MMRN1: variants seen among roughly 807,000 people sequenced by gnomAD.
The protein encoded by MMRN1 is multimerin 1.
Under a neutral mutation model 100.7 loss-of-function variants are expected in MMRN1, and 94 were observed. That is an observed-to-expected ratio of 0.93 (90% confidence interval 0.79 to 1.11). The LOEUF is 1.11. MMRN1 is among the 50% of genes least tolerant of loss of function. MMRN1 has a pLI of 0.00. For missense variants in MMRN1, 1,606 were observed against 1,439.1 expected, an observed-to-expected ratio of 1.12 and a Z score of -1.88; for synonymous variants, 575 against 505.0, an observed-to-expected ratio of 1.14 and a Z score of -1.86.
At chr4:89,920,610 A>T (rs1384394238) in intron 3 of MMRN1, among the ~76,000 whole-genome samples, 1 of 152,074 alleles carries the variant, frequency 6.6e-6, no homozygotes, top group African/African-American at 2.4e-5. Flanking sequence ...TCTTCAACAC[A>T]CACCTTTGTT....
At chr4:89,951,540 A>C (rs1463827339) in intron 6 of MMRN1, 65 bp from the exon 7 acceptor site, 1 of 1,417,534 alleles carries the variant, frequency 7.1e-7, no homozygotes, top group African/African-American at 1.5e-5. Context: ...GCAAACTACG[A>C]TTTGAGATCA....
Position 89,953,363 on chromosome 4 carries a change from C to A in MMRN1, c.3632C>A (p.Pro1211Gln), listed in dbSNP as rs1419803995. Residue 1211 changes from proline to glutamine, a missense_variant, in exon 8 of 8, where the codon CCA (proline) becomes CAA (glutamine). Coordinates refer to ENST00000264790, the MANE Select transcript of MMRN1 (RefSeq NM_007351.3). Reference protein sequence around the residue: ...VWLRLAKGTIPAKFPPVTTFS... With the variant: ...VWLRLAKGTIQAKFPPVTTFS... ...TTACGACTTGCAAAAGGAACAATTC[C>A]AGCCAAGTTTCCCCCTGTTACTACA... is the stretch of plus-strand genomic sequence containing the variant. 1 of 1,613,122 alleles carries A rather than the reference C, an allele frequency of 6.2e-7. No individual in the cohort carries two copies. The highest frequency in any genetic ancestry group is 2.2e-5 in the East Asian group (1 of 44,836).
In MMRN1 at chr4:89,936,552, C is replaced by T. The variant is rs1312420469; in HGVS notation, c.2872C>T (p.Leu958Phe). The T allele has an allele frequency of 1.2e-6, 2 of 1,612,764 alleles. No homozygotes were observed. The change falls in exon 6 of 8, where the codon CTT becomes TTT. Residue 958 changes from leucine to phenylalanine, a missense_variant. Physicochemically the swap from Leu to Phe is conservative, Grantham distance 22. Coordinates refer to ENST00000264790, the MANE Select transcript of MMRN1 (RefSeq NM_007351.3). ...AAAACATTCCCTGCCAGATATTCAA[C>T]TTCTTCAGAAAGGTCTAACAGAATT... ...WIKHSLPDIQ[L>F]LQKGLTEFVE...
chr4:89,953,349 A>C lies in MMRN1; in HGVS notation c.3618A>C (p.Ala1206=). The change falls in exon 8 of 8, where the codon GCA becomes GCC. Residue 1206 remains alanine (A), a synonymous_variant. Coordinates refer to ENST00000264790, the MANE Select transcript of MMRN1 (RefSeq NM_007351.3). The stretch of plus-strand genomic sequence containing the variant: ...GGCAGGAAGTCTGGTTACGACTTGC[A>C]AAAGGAACAATTCCAGCCAAGTTTC... ...NYGQEVWLRL[A]KGTIPAKFPP... is the part of the protein sequence containing the mutation. The C allele has an allele frequency of 6.2e-7, 1 of 1,613,726 alleles. No homozygotes were observed. Among genetic ancestry groups the C allele is most frequent in the Non-Finnish European group, 8.5e-7 (1 of 1,179,778 alleles).
rs745711366 is a variant in MMRN1, at chr4:89,895,500, C to G, written c.529C>G (p.Arg177Gly). 4 of 1,613,770 alleles carry G rather than the reference C, an allele frequency of 2.5e-6. No homozygotes were observed. Among genetic ancestry groups the G allele is most frequent in the Non-Finnish European group, 3.4e-6 (4 of 1,179,906 alleles). ...TGGAGGCACTGGAGGCGTGGGAAAT[C>G]GAGCCCCACGGGAAACATACCTCAG... ...GVGGTGGVGN[R>G]APRETYLSRG... is the part of the protein sequence containing the mutation. Residue 177 changes from arginine to glycine, a missense_variant, in exon 1 of 8, where the codon CGA (arginine) becomes GGA (glycine). Physicochemically the swap from Arg to Gly is moderately radical, Grantham distance 125 (BLOSUM62 -2). Transcript: ENST00000264790.
rs1722659716 is a variant in MMRN1 at position 89,936,770 on chromosome 4, A to C, written c.3090A>C (p.Gln1030His). ...CCACAGTCCTGATAGGCCGGACTCAAAGAAACACGGACAACATAATATATC... is the reference window on the plus strand; with the variant it reads ...CCACAGTCCTGATAGGCCGGACTCACAGAAACACGGACAACATAATATATC... ...NLTTVLIGRT[Q>H]RNTDNIIYPE... The change falls in exon 6 of 8, where the codon CAA becomes CAC. Residue 1030 changes from glutamine (Q) to histidine (H), a missense_variant. By Grantham distance (24) the Gln-to-His change is conservative (BLOSUM62 0). Coordinates refer to ENST00000264790, the MANE Select transcript of MMRN1 (RefSeq NM_007351.3). The C allele has an allele frequency of 6.2e-7, 1 of 1,602,016 alleles. No individual in the cohort carries two copies. Among genetic ancestry groups the C allele is most frequent in the East Asian group, 2.2e-5 (1 of 44,808 alleles).
chr4:89,918,327 G>A (rs1414781729), intron 3 of MMRN1, among the ~76,000 whole-genome samples: 2 of 151,564 alleles, frequency 1.3e-5, no homozygotes, highest in African/African-American at 2.4e-5. Flanking sequence ...ATTTCTGTTA[G>A]AGTGTCATCT....
intron 3 of MMRN1, among the ~76,000 whole-genome samples, chr4:89,915,145 T>C (rs1721871426): frequency 6.6e-6 from 1 of 151,694 alleles, no homozygotes; most frequent in Middle Eastern, 3.4e-3. Flanking sequence ...CTACTGTAAC[T>C]AACATTTGAA....
chr4:89,935,533 A>G lies in MMRN1; in HGVS notation c.1853A>G (p.Asn618Ser). The G allele has an allele frequency of 6.2e-7, 1 of 1,613,216 alleles. No individual in the cohort carries two copies. The highest frequency in any genetic ancestry group is 8.5e-7 in the Non-Finnish European group (1 of 1,179,678). Residue 618 changes from asparagine (N) to serine (S), a missense_variant, in exon 6 of 8, where the codon AAT (asparagine) becomes AGT (serine). Physicochemically the swap from Asn to Ser is conservative, Grantham distance 46. Transcript: ENST00000264790. Reference protein sequence around the residue: ...KDTEENLHVLNQTLAEVLFPM... With the variant: ...KDTEENLHVLSQTLAEVLFPM... ...ACAGAAGAGAATTTACATGTGTTAAATCAAACATTGGCTGAAGTTCTCTTT... is the reference window on the plus strand; with the variant it reads ...ACAGAAGAGAATTTACATGTGTTAAGTCAAACATTGGCTGAAGTTCTCTTT...
intron 1 of MMRN1, among the ~76,000 whole-genome samples, chr4:89,882,431 G>C (rs1232951367): frequency 1.3e-5 from 2 of 151,746 alleles, no homozygotes; most frequent in Non-Finnish European, 2.9e-5. Flanking sequence ...AATGAAGACA[G>C]AGTAAGGTAT....
In MMRN1 at chr4:89,935,646, G is replaced by A. The variant is rs199787539; in HGVS notation, c.1966G>A (p.Gly656Arg). The A allele has an allele frequency of 1.4e-5, 22 of 1,613,246 alleles. No individual in the cohort carries two copies. The highest frequency in any genetic ancestry group is 1.7e-5 in the Non-Finnish European group (20 of 1,179,698). ...MEILQPLLEQ[G>R]ASLRQTMTYE... Reference sequence around the variant, plus strand: ...GATCCTTCAACCCTTGCTTGAGCAGGGAGCATCACTCAGACAGACAATGAC... The same window carrying A: ...GATCCTTCAACCCTTGCTTGAGCAGAGAGCATCACTCAGACAGACAATGAC... The change falls in exon 6 of 8, where the codon GGA (glycine) becomes AGA (arginine). Residue 656 changes from glycine to arginine, a missense_variant. Coordinates refer to ENST00000264790, the MANE Select transcript of MMRN1 (RefSeq NM_007351.3).
chr4:89,881,928 T>G (rs1332473342), intron 1 of MMRN1, among the ~76,000 whole-genome samples: 5 of 152,016 alleles, frequency 3.3e-5, no homozygotes, highest in African/African-American at 1.2e-4. Context: ...TATTTTCACT[T>G]TGATCATAAC....
At chr4:89,948,113 AAGTGCTAGGATTACAGGCGTG>A (rs1417694390) in intron 6 of MMRN1, among the ~76,000 whole-genome samples, 1 of 152,152 alleles carries the variant, frequency 6.6e-6, no homozygotes, top group African/African-American at 2.4e-5. Flanking sequence ...CAGCCTCCCA[AAGTGCTAGGATTACAGGCGTG>A]AGCCACCGTA....
chr4:89,936,548 T>A lies in MMRN1; in HGVS notation c.2868T>A (p.Ile956=), dbSNP rs765200078. Residue 956 remains isoleucine, a synonymous_variant, in exon 6 of 8, where the codon ATT becomes ATA. Coordinates refer to ENST00000264790, the MANE Select transcript of MMRN1 (RefSeq NM_007351.3). ...GGATAAAACATTCCCTGCCAGATATTCAACTTCTTCAGAAAGGTCTAACAG... is the reference window on the plus strand; with the variant it reads ...GGATAAAACATTCCCTGCCAGATATACAACTTCTTCAGAAAGGTCTAACAG... ...PKWIKHSLPD[I]QLLQKGLTEF... is the part of the protein sequence containing the mutation. 4 of 1,612,798 alleles carry A rather than the reference T, an allele frequency of 2.5e-6. No homozygotes were observed. The Admixed American group carries it at 6.7e-5, about 27-fold the overall frequency.
intron 1 of MMRN1, among the ~76,000 whole-genome samples, chr4:89,887,854 T>C (rs1720970810): frequency 6.6e-6 from 1 of 151,930 alleles, no homozygotes. Context: ...CCATACATTA[T>C]TGCTGTGATT....
At chr4:89,919,359 A>G (rs920953394) in intron 3 of MMRN1, among the ~76,000 whole-genome samples, 4 of 151,474 alleles carry the variant, frequency 2.6e-5, no homozygotes, top group Non-Finnish European at 5.9e-5. Context: ...ATTTTTTAAT[A>G]TTTTCTTCAT....
Position 89,952,983 on chromosome 4 carries a change from T to G in MMRN1, c.3266-14T>G. 6.5e-7 allele frequency: 1 copy of G among 1,550,290 alleles called. No individual in the cohort carries two copies. Among genetic ancestry groups the G allele is most frequent in the Non-Finnish European group, 8.7e-7 (1 of 1,150,528 alleles). ...AACATGAAAATTAACTCTTGCCATTTTTTCCTCTAACAGATTTTTCCAAAG... is the reference window on the plus strand; with the variant it reads ...AACATGAAAATTAACTCTTGCCATTGTTTCCTCTAACAGATTTTTCCAAAG... On this transcript the variant is annotated splice_polypyrimidine_tract_variant and intron_variant, in intron 7 of 7. Coordinates refer to ENST00000264790, the MANE Select transcript of MMRN1 (RefSeq NM_007351.3).
intron 1 of MMRN1, among the ~76,000 whole-genome samples, chr4:89,902,489 T>C (rs1721424676): frequency 6.6e-6 from 1 of 151,930 alleles, no homozygotes; most frequent in Non-Finnish European, 1.5e-5. Context: ...ACTTTAAAAT[T>C]GGAAAATAGG....
intron 1 of MMRN1, among the ~76,000 whole-genome samples, chr4:89,883,624 A>C (rs531589121): frequency 6.6e-6 from 1 of 152,194 alleles, no homozygotes; most frequent in East Asian, 1.9e-4. Context: ...ATAAGAATTC[A>C]TTTTATATTT....
Sources: allele counts gnomAD v4.1 joint callset (sites outside exome capture counted in the v4.1 genomes callset), GRCh38; gene constraint gnomAD v4.1.1; transcripts MANE v1.5; gene names NCBI Gene and HGNC (gene_info 2026-07-23, HGNC 2026-07-21).